CDCA5: variants seen among roughly 807,000 people sequenced by gnomAD.
CDCA5 encodes the protein cell division cycle associated 5, also known as sororin.
A neutral mutation model predicts 25.7 loss-of-function variants in CDCA5; 14 were observed. The observed-to-expected ratio is 0.54, with a 90% CI of 0.36 to 0.85. CDCA5 has a LOEUF of 0.85. Ranked by LOEUF, CDCA5 falls within the 40% of genes least tolerant of loss-of-function variation. CDCA5 has a pLI of 0.01. For missense variants in CDCA5, 307 were observed against 324.5 expected (o/e 0.95, Z 0.41); for synonymous variants, 127 against 128.7 (o/e 0.99, Z 0.09).
At chr11:65,079,297 A>C (rs775648505) in intron 5 of CDCA5, 56 bp downstream of exon 5, 2 of 1,612,654 alleles carry the variant, frequency 1.2e-6, no homozygotes, top group Non-Finnish European at 1.7e-6. Flanking sequence ...CCAGAGCCCC[A>C]GCCCTGCACG....
chr11:65,069,899 G>A (rs190099194), intron 1 of CDCA5, among the ~76,000 whole-genome samples: 5 of 152,346 alleles, frequency 3.3e-5, no homozygotes, highest in Admixed American at 3.3e-4. Context: ...AGAAGTTTCC[G>A]GAAGATGAGG....
chr11:65,064,892 A>C (rs1202949132), downstream of CDCA5, among the ~76,000 whole-genome samples: 5 of 152,150 alleles, frequency 3.3e-5, no homozygotes, highest in South Asian at 2.1e-4. Flanking sequence ...TGAAGAAAAG[A>C]GATGTTAGCT....
chr11:65,079,250 C>G (rs756418450), intron 5 of CDCA5, 63 bp from the exon 6 acceptor site: 6 of 1,595,788 alleles, frequency 3.8e-6, no homozygotes, highest in Non-Finnish European at 4.3e-6. Context: ...GAGCATCTCA[C>G]CCACACCCTG....
chr11:65,072,861 G>T (rs1368335919), downstream of CDCA5, among the ~76,000 whole-genome samples: 2 of 151,916 alleles, frequency 1.3e-5, no homozygotes, highest in African/African-American at 4.8e-5. Flanking sequence ...AAAAAGGGAG[G>T]GAATGGTCAG....
At chr11:65,067,473 G>C (rs1182395667) in intron 4 of CDCA5, among the ~76,000 whole-genome samples, 1 of 152,172 alleles carries the variant, frequency 6.6e-6, no homozygotes, top group South Asian at 2.1e-4. Flanking sequence ...TCCAGAGCCC[G>C]ACATCCAGAG....
At chr11:65,083,232 G>A in intron 4 of CDCA5, 132 bp downstream of exon 4, 1 of 961,604 alleles carries the variant, frequency 1.0e-6, no homozygotes, top group South Asian at 1.4e-5. Context: ...AATGCATGCA[G>A]GTGCCCACAG....
chr11:65,068,358 G>C, intron 2 of CDCA5: 1 of 523,392 alleles, frequency 1.9e-6, no homozygotes, highest in South Asian at 1.8e-5. Context: ...GCTGGGCCTG[G>C]ACGCCCTGAC....
Position 65,083,356 on chromosome 11 carries a change from G to T in CDCA5, c.243+8C>A, listed in dbSNP as rs764786540. On this transcript the variant is annotated splice_region_variant and intron_variant, in intron 4 of 5. Coordinates refer to ENST00000275517, the MANE Select transcript of CDCA5 (RefSeq NM_080668.4). Reference sequence around the variant, plus strand: ...TCTACTTAATTAAGTAGATGAAAGTGAACTCACCCTAGGGCTCCTGCGAGG... The same window carrying T: ...TCTACTTAATTAAGTAGATGAAAGTTAACTCACCCTAGGGCTCCTGCGAGG... The T allele has an allele frequency of 6.2e-7, 1 of 1,614,074 alleles. No individual in the cohort carries two copies. The highest frequency in any genetic ancestry group is 8.5e-7 in the Non-Finnish European group (1 of 1,179,950).
intron 1 of CDCA5, 66 bp from the exon 2 acceptor site, chr11:65,083,789 C>G: frequency 6.3e-7 from 1 of 1,578,134 alleles, no homozygotes; most frequent in Non-Finnish European, 8.7e-7. Context: ...AGAACAGGTT[C>G]TAGAGACAGC....
chr11:65,062,396 G>A (rs1947194319), downstream of CDCA5, among the ~76,000 whole-genome samples: 1 of 152,096 alleles, frequency 6.6e-6, no homozygotes. Flanking sequence ...TGGCCATAGA[G>A]CCCTTCATGT....
At position 65,083,470 on chromosome 11, in the gene CDCA5, C is replaced by G; in HGVS notation, c.207+15G>C. On this transcript the variant is annotated intron_variant, in intron 3 of 5. Coordinates refer to ENST00000275517, the MANE Select transcript of CDCA5 (RefSeq NM_080668.4). ...TGCCCGCCTAACCACCCACAACACTCTCCTTAGCCTTTACCTCTACAGCAT... is the reference window on the plus strand; with the variant it reads ...TGCCCGCCTAACCACCCACAACACTGTCCTTAGCCTTTACCTCTACAGCAT... The G allele has an allele frequency of 6.2e-7, 1 of 1,614,208 alleles. No homozygotes were observed. Among genetic ancestry groups the G allele is most frequent in the Non-Finnish European group, 8.5e-7 (1 of 1,180,020 alleles).
intron 4 of CDCA5, chr11:65,066,924 T>A (rs1038932772): frequency 3.9e-6 from 5 of 1,273,316 alleles, no homozygotes; most frequent in Non-Finnish European, 4.1e-6. Context: ...CAGGCTTTTG[T>A]TCCAGGCAGC....
exon 3 of CDCA5, chr11:65,068,084 G>T: frequency 1.6e-6 from 2 of 1,289,368 alleles, no homozygotes; most frequent in Non-Finnish European, 2.0e-6. Flanking sequence ...AAACAGGAAC[G>T]TGACGGTGGG....
rs1266742088 is a variant in CDCA5 at position 65,079,595 on chromosome 11, AG to A, written c.435del (p.Tyr146ThrfsTer58). 1.2e-6 allele frequency: 2 copies of A among 1,613,000 alleles called. No individual in the cohort carries two copies. The highest frequency in any genetic ancestry group is 8.5e-7 in the Non-Finnish European group (1 of 1,179,448). On this transcript the variant is annotated frameshift_variant, in exon 5 of 6. Coordinates refer to ENST00000275517, the MANE Select transcript of CDCA5 (RefSeq NM_080668.4). LOFTEE classifies it high-confidence loss of function. ...DLEMSKKVRRSYSRLETLGSA... is the reference protein window; with the variant it reads ...DLEMSKKVRRXYSRLETLGSA... ...GAGCCCAGGGTCTCCAGCCGGCTGT[AG>A]GAACGCCTGACTTTCTTAGACATTT...
In CDCA5 at chr11:65,078,113, G is replaced by C. The variant is rs572065480; in HGVS notation, c.*994C>G. 4.1e-6 allele frequency: 4 copies of C among 985,356 alleles called. No individual in the cohort carries two copies. The highest frequency in any genetic ancestry group is 3.5e-5 in the African/African-American group (2 of 57,238). The allele number at this position is 985,356 out of a possible 1,614,324, so 61.0% of individuals were successfully genotyped here. A position where few individuals can be genotyped will look rare whatever the true frequency, so the allele number is the denominator to read the frequency against. On this transcript the variant is annotated 3_prime_UTR_variant, in exon 6 of 6. Transcript: ENST00000275517. Reference sequence around the variant, plus strand: ...CAGCCCCCGCCGCTGTCTGGTACGCGAGGAAACTTTCCGAGGACTTTACAA... The same window carrying C: ...CAGCCCCCGCCGCTGTCTGGTACGCCAGGAAACTTTCCGAGGACTTTACAA...
chr11:65,074,036 C>T (rs112909633), downstream of CDCA5, among the ~76,000 whole-genome samples: 1,007 of 152,276 alleles, frequency 6.6e-3, 11 homozygotes, highest in African/African-American at 0.023. Context: ...GAGGCTGAGA[C>T]GCTACTGGGC....
chr11:65,068,663 C>T (rs1947287112), intron 1 of CDCA5: 1 of 1,088,168 alleles, frequency 9.2e-7, no homozygotes. Flanking sequence ...CCATTTCTAG[C>T]CTGGTCTGGT....
chr11:65,061,908 T>G (rs544687807), downstream of CDCA5, among the ~76,000 whole-genome samples: 9 of 142,364 alleles, frequency 6.3e-5, no homozygotes, highest in South Asian at 2.0e-3. Context: ...TATTTCCAGC[T>G]GCCTAATTTT....
chr11:65,070,010 C>T (rs1292889351), intron 1 of CDCA5, among the ~76,000 whole-genome samples: 3 of 152,222 alleles, frequency 2.0e-5, no homozygotes, highest in African/African-American at 7.2e-5. Context: ...ATGCATTCTG[C>T]TTCGGAGCTC....
Sources: allele counts gnomAD v4.1 joint callset (sites outside exome capture counted in the v4.1 genomes callset), GRCh38; gene constraint gnomAD v4.1.1; transcripts MANE v1.5; gene names NCBI Gene and HGNC (gene_info 2026-07-23, HGNC 2026-07-21).